The following NRXN3 variants were observed in gnomAD, a reference collection of about 807,000 sequenced individuals.
NRXN3 encodes the protein neurexin 3.
NRXN3 carries 32 observed loss-of-function variants against 137.6 expected under a neutral mutation model. The observed-to-expected ratio is 0.23, with a 90% CI of 0.18 to 0.31. The LOEUF is 0.31. NRXN3 is among the 10% of genes least tolerant of loss of function. The probability of loss-of-function intolerance (pLI) is 1.00; values close to 1 mark genes in which losing one functional copy is unlikely to be tolerated. For missense variants in NRXN3, 1,574 were observed against 2,062.5 expected, an observed-to-expected ratio of 0.76 and a Z score of 4.59; for synonymous variants, 798 against 784.5, an observed-to-expected ratio of 1.02 and a Z score of -0.29.
chr14:79,749,098 G>A (rs1288035420), intron 19 of NRXN3, among the ~76,000 whole-genome samples: 1 of 152,084 alleles, frequency 6.6e-6, no homozygotes, highest in Non-Finnish European at 1.5e-5. Flanking sequence ...GCTGTTTGAA[G>A]TGTGCTTGAA....
intron 1 of NRXN3, among the ~76,000 whole-genome samples, chr14:78,215,060 T>C (rs185507948): frequency 6.6e-6 from 1 of 152,268 alleles, no homozygotes; most frequent in Non-Finnish European, 1.5e-5. Flanking sequence ...AAGAGTGCTC[T>C]TTTGTAAACT....
At chr14:79,255,213 G>A (rs2153384841) in intron 15 of NRXN3, among the ~76,000 whole-genome samples, 1 of 152,290 alleles carries the variant, frequency 6.6e-6, no homozygotes, top group East Asian at 1.9e-4. Flanking sequence ...AGTGGCCCAG[G>A]CCATCTGGTT....
At chr14:78,749,875 T>C (rs1420090604) in intron 8 of NRXN3, among the ~76,000 whole-genome samples, 1 of 152,258 alleles carries the variant, frequency 6.6e-6, no homozygotes, top group Non-Finnish European at 1.5e-5. Context: ...GGTGTGAATG[T>C]GCTGTCTCTA....
At chr14:78,336,440 G>A (rs952450756) in intron 4 of NRXN3, among the ~76,000 whole-genome samples, 11 of 152,258 alleles carry the variant, frequency 7.2e-5, no homozygotes, top group African/African-American at 2.6e-4. Flanking sequence ...CCGAGCATCT[G>A]CTTTGCTCCT....
At chr14:79,223,096 G>C (rs7160122) in intron 15 of NRXN3, among the ~76,000 whole-genome samples, 4,183 of 152,152 alleles carry the variant, frequency 0.027, 140 homozygotes, top group South Asian at 0.086. Context: ...TGTTTCACCT[G>C]AGTTAGAAAA....
intron 4 of NRXN3, among the ~76,000 whole-genome samples, chr14:78,408,829 G>A (rs898096657): frequency 1.6e-4 from 24 of 152,228 alleles, no homozygotes; most frequent in Admixed American, 4.6e-4. Context: ...CATAAGTCAG[G>A]TTGAAGATGG....
chr14:78,942,379 A>G (rs1415106300), intron 10 of NRXN3, among the ~76,000 whole-genome samples: 1 of 152,186 alleles, frequency 6.6e-6, no homozygotes, highest in Non-Finnish European at 1.5e-5. Context: ...TGGGAGCCAC[A>G]ATGAGTGTTT....
chr14:78,284,616 T>C (rs1348155443), intron 3 of NRXN3, among the ~76,000 whole-genome samples: 1 of 152,150 alleles, frequency 6.6e-6, no homozygotes, highest in Non-Finnish European at 1.5e-5. Context: ...CTCAGAAAGG[T>C]TTTTTTAAAA....
At chr14:78,906,019 T>C (rs2099215046) in intron 10 of NRXN3, among the ~76,000 whole-genome samples, 1 of 151,974 alleles carries the variant, frequency 6.6e-6, no homozygotes, top group African/African-American at 2.4e-5. Context: ...TAAATAAAAT[T>C]AAAAACACAT....
At chr14:79,254,323 G>A (rs548232560) in intron 15 of NRXN3, among the ~76,000 whole-genome samples, 6 of 152,188 alleles carry the variant, frequency 3.9e-5, no homozygotes, top group East Asian at 3.9e-4. Context: ...GCAGAAACTC[G>A]CTTTTAGTAA....
intron 15 of NRXN3, among the ~76,000 whole-genome samples, chr14:79,332,630 A>C (rs187410049): frequency 2.0e-5 from 3 of 152,320 alleles, no homozygotes; most frequent in Admixed American, 1.3e-4. Flanking sequence ...AAACGGACTC[A>C]AACATTTCTT....
intron 10 of NRXN3, among the ~76,000 whole-genome samples, chr14:78,937,537 T>A (rs1422033831): frequency 1.3e-5 from 2 of 152,206 alleles, no homozygotes; most frequent in Non-Finnish European, 2.9e-5. Context: ...CTTCCCAAAT[T>A]TGTGTTCTTC....
intron 10 of NRXN3, among the ~76,000 whole-genome samples, chr14:78,906,524 T>C (rs549398817): frequency 1.6e-4 from 24 of 152,180 alleles, no homozygotes; most frequent in African/African-American, 5.8e-4. Flanking sequence ...TTATTACTAT[T>C]TTGTGGCACT....
intron 15 of NRXN3, among the ~76,000 whole-genome samples, chr14:79,047,745 C>A (rs1339120300): frequency 1.3e-5 from 2 of 151,978 alleles, no homozygotes; most frequent in Non-Finnish European, 2.9e-5. Flanking sequence ...CATTTTATAC[C>A]AACTAAAATA....
chr14:79,432,684 T>A (rs1339537586), intron 15 of NRXN3, among the ~76,000 whole-genome samples: 2 of 152,236 alleles, frequency 1.3e-5, no homozygotes, highest in Non-Finnish European at 2.9e-5. Flanking sequence ...AGAAATAAGG[T>A]TTTAGTGATA....
chr14:78,243,755 C>G lies in NRXN3; in HGVS notation c.662C>G (p.Thr221Ser), dbSNP rs1300838350. 1 of 1,596,770 alleles carries G rather than the reference C, an allele frequency of 6.3e-7. No homozygotes were observed. Among genetic ancestry groups the G allele is most frequent in the Non-Finnish European group, 8.5e-7 (1 of 1,179,048 alleles). ...TGCTTTCTCCTGGACGGCCACCCCA[C>G]CTGTGACTGTTCTACCACTGGCTAT... ...GICFLLDGHPTCDCSTTGYGG... is the reference protein window; with the variant it reads ...GICFLLDGHPSCDCSTTGYGG... Residue 221 changes from threonine (T) to serine (S), a missense_variant, in exon 2 of 21, where the codon ACC becomes AGC. Physicochemically the swap from Thr to Ser is moderately conservative, Grantham distance 58. Around this residue, in one of 5 missense-constraint regions of NRXN3, gnomAD observed 400 missense variants for 527.3 expected, o/e 0.76. Coordinates refer to ENST00000335750, the MANE Select transcript of NRXN3 (RefSeq NM_001330195.2). This position sits in a 1 kb window ranked among gnomAD's most constrained non-coding sequence, Gnocchi z 4.2.
intron 11 of NRXN3, among the ~76,000 whole-genome samples, chr14:78,964,025 T>C (rs1369457528): frequency 6.6e-6 from 1 of 152,152 alleles, no homozygotes; most frequent in Admixed American, 6.5e-5. Flanking sequence ...TGTCTCGGCC[T>C]CCCAAAGTGC....
chr14:79,413,883 C>CAAA (rs372803175), intron 15 of NRXN3, among the ~76,000 whole-genome samples: 3,841 of 74,042 alleles, frequency 0.052, 490 homozygotes, highest in African/African-American at 0.17. Flanking sequence ...ATGTGGTTCT[C>CAAA]AAAAAAAAAA....
chr14:78,582,315 G>T (rs1028035017), intron 4 of NRXN3, among the ~76,000 whole-genome samples: 7 of 152,110 alleles, frequency 4.6e-5, no homozygotes, highest in Non-Finnish European at 1.0e-4. Context: ...TACTGCTTAG[G>T]TTGCTACCCT....
Sources: allele counts gnomAD v4.1 joint callset (sites outside exome capture counted in the v4.1 genomes callset), GRCh38; gene constraint gnomAD v4.1.1; regional missense constraint gnomAD v4.1.1; non-coding constraint Gnocchi (gnomAD v3.1); transcripts MANE v1.5; gene names NCBI Gene and HGNC (gene_info 2026-07-23, HGNC 2026-07-21).